Variants in DISC1 observed in about 807,000 individuals in gnomAD.
DISC1 encodes disrupted in schizophrenia 1 protein.
A neutral mutation model predicts 84.5 loss-of-function variants in DISC1; 57 were observed. The observed-to-expected ratio is 0.67, with a 90% CI of 0.55 to 0.84. The LOEUF (loss-of-function observed/expected upper bound fraction) is 0.84, where lower values mean the gene tolerates loss of function less well. Ranked by LOEUF, DISC1 falls within the 40% of genes least tolerant of loss-of-function variation. The pLI, the probability that DISC1 is intolerant of heterozygous loss-of-function variation, is 0.00. For synonymous variants in DISC1, 411 were observed against 415.2 expected (o/e 0.99, Z 0.12); for missense variants, 1,000 against 1,057.8 (o/e 0.95, Z 0.76).
intron 12 of DISC1, among the ~76,000 whole-genome samples, chr1:232,028,550 A>G (rs556623091): frequency 4.6e-5 from 7 of 152,280 alleles, no homozygotes; most frequent in African/African-American, 1.2e-4. Flanking sequence ...GGGATCATGG[A>G]CAAGTGATAA....
intron 11 of DISC1, among the ~76,000 whole-genome samples, chr1:232,010,700 T>C (rs1457616131): frequency 6.6e-6 from 1 of 152,138 alleles, no homozygotes; most frequent in Non-Finnish European, 1.5e-5. Flanking sequence ...GAAACCAGTG[T>C]ATTTTTATGC....
chr1:231,749,769 CAACT>C, intron 3 of DISC1, among the ~76,000 whole-genome samples, 153 bp from the exon 4 acceptor site: 1 of 152,162 alleles, frequency 6.6e-6, no homozygotes, highest in East Asian at 1.9e-4. Flanking sequence ...TTAGAAGTAC[CAACT>C]GAGAGATGAA....
At chr1:231,857,327 T>C (rs781171052) in intron 9 of DISC1, among the ~76,000 whole-genome samples, 5 of 152,258 alleles carry the variant, frequency 3.3e-5, no homozygotes, top group Non-Finnish European at 7.3e-5. Flanking sequence ...TTCGAAGTCA[T>C]GTGTTGACAT....
chr1:231,716,855 G>A lies in DISC1; in HGVS notation c.1117+14831G>A, dbSNP rs116890753. 1.2e-3 allele frequency among the ~76,000 whole-genome samples: 188 copies of A among 151,950 alleles called. 2 individuals carry two copies. Among genetic ancestry groups the A allele is most frequent in the East Asian group, 5.0e-3 (26 of 5,178 alleles). The stretch of plus-strand genomic sequence containing the variant: ...AACGAGATGGCGCCTGTGCTCCTTC[G>A]TGGAATTCCTTGCTCTGGGTGATGG... On this transcript the variant is annotated intron_variant, in intron 3 of 12. Transcript: ENST00000439617.
At chr1:231,719,659 C>T (rs566567058) in intron 3 of DISC1, among the ~76,000 whole-genome samples, 8 of 152,296 alleles carry the variant, frequency 5.3e-5, no homozygotes, top group Admixed American at 3.9e-4. Flanking sequence ...TTAAATTATA[C>T]TCACTGGTAA....
At chr1:231,815,244 G>A (rs1289247357) in intron 8 of DISC1, 1 of 152,104 alleles carries the variant, frequency 6.6e-6, no homozygotes, top group Non-Finnish European at 1.5e-5. Flanking sequence ...AGTGTTTACA[G>A]TTCTTGAATT....
At chr1:231,744,936 G>A (rs1286147002) in intron 3 of DISC1, among the ~76,000 whole-genome samples, 1 of 152,024 alleles carries the variant, frequency 6.6e-6, no homozygotes, top group Non-Finnish European at 1.5e-5. Flanking sequence ...AAAATCAATA[G>A]TCCAGAGATC....
At chr1:231,992,738 G>A (rs1209308177) in intron 10 of DISC1, among the ~76,000 whole-genome samples, 1 of 152,108 alleles carries the variant, frequency 6.6e-6, no homozygotes, top group East Asian at 1.9e-4. Flanking sequence ...TATAAAAAAG[G>A]ATTTTACCCT....
intron 3 of DISC1, chr1:231,723,063 T>C: frequency 2.0e-6 from 2 of 1,020,320 alleles, no homozygotes; most frequent in South Asian, 3.9e-5. Flanking sequence ...TGTCCCTTGA[T>C]ATCCATGGGG....
At chr1:231,769,601 G>C (rs1442203145) in intron 5 of DISC1, among the ~76,000 whole-genome samples, 1 of 152,170 alleles carries the variant, frequency 6.6e-6, no homozygotes, top group Non-Finnish European at 1.5e-5. Context: ...CCAGGGACTT[G>C]GAGGAAGAGA....
intron 1 of DISC1, among the ~76,000 whole-genome samples, chr1:231,656,587 A>G (rs893328829): frequency 1.3e-5 from 2 of 151,974 alleles, no homozygotes; most frequent in Non-Finnish European, 2.9e-5. Context: ...TTGGTTCTAT[A>G]TGAATTTTAG....
chr1:231,907,257 G>C (rs1021427417), intron 9 of DISC1, among the ~76,000 whole-genome samples: 18 of 151,514 alleles, frequency 1.2e-4, no homozygotes, highest in African/African-American at 4.4e-4. Context: ...ATGTTGGTGT[G>C]CTGCACCCAT....
intron 10 of DISC1, among the ~76,000 whole-genome samples, chr1:232,007,140 C>G (rs1171118932): frequency 6.6e-6 from 1 of 152,186 alleles, no homozygotes; most frequent in East Asian, 1.9e-4. Context: ...GGGTGGAGCA[C>G]TCATGGAGAA....
intron 3 of DISC1, among the ~76,000 whole-genome samples, chr1:231,712,596 T>C (rs1251862585): frequency 6.6e-6 from 1 of 152,224 alleles, no homozygotes; most frequent in Non-Finnish European, 1.5e-5. Context: ...AGCAAGACAG[T>C]TCTCTTGATG....
rs892963229 is a variant in DISC1, at chr1:231,695,048, G to A, written c.1047+243G>A. 5.9e-5 allele frequency among the ~76,000 whole-genome samples: 9 copies of A among 152,304 alleles called. No individual in the cohort carries two copies. In the South Asian group the frequency reaches 8.3e-4, roughly 14 times the overall value. The stretch of plus-strand genomic sequence containing the variant: ...GCTCAGATTTGCTCTCCATTGGGCC[G>A]CAGGCTCCTCTGCAGGCCCCGGCTT... On this transcript the variant is annotated intron_variant, in intron 2 of 12. Transcript: ENST00000439617.
At chr1:231,970,286 G>A (rs1388870508) in intron 10 of DISC1, among the ~76,000 whole-genome samples, 1 of 152,124 alleles carries the variant, frequency 6.6e-6, no homozygotes, top group Non-Finnish European at 1.5e-5. Flanking sequence ...TTTAATGATC[G>A]CCATTCTAAC....
At chr1:231,777,899 G>A (rs1429494478) in intron 6 of DISC1, among the ~76,000 whole-genome samples, 1 of 152,310 alleles carries the variant, frequency 6.6e-6, no homozygotes, top group African/African-American at 2.4e-5. Context: ...TCACACAGCC[G>A]TAAAAGCAGT....
chr1:231,818,248 C>G (rs6672782), intron 8 of DISC1, 81 bp from the exon 9 acceptor site: 172,887 of 1,385,712 alleles, frequency 0.12, 12,130 homozygotes, highest in African/African-American at 0.18. Context: ...TGTGAATGTA[C>G]ATTAGCTGCT....
intron 9 of DISC1, among the ~76,000 whole-genome samples, chr1:231,883,066 G>A (rs1007288055): frequency 6.6e-6 from 1 of 151,996 alleles, no homozygotes; most frequent in Non-Finnish European, 1.5e-5. Context: ...AGCGACAGAT[G>A]CCATGAGACA....
Sources: allele counts gnomAD v4.1 joint callset (sites outside exome capture counted in the v4.1 genomes callset), GRCh38; gene constraint gnomAD v4.1.1; transcripts MANE v1.5; gene names NCBI Gene and HGNC (gene_info 2026-07-23, HGNC 2026-07-21).